Variants in TTC7B observed in about 807,000 individuals in gnomAD.
TTC7B encodes tetratricopeptide repeat domain 7B.
TTC7B carries 28 observed loss-of-function variants against 106.8 expected under a neutral mutation model. That is an observed-to-expected ratio of 0.26 (90% CI 0.19 to 0.36). The LOEUF is 0.36. Among genes scored for constraint, TTC7B ranks in the 10% least tolerant of loss-of-function variants. TTC7B has a pLI of 1.00. For missense variants in TTC7B, 862 were observed against 1,076.4 expected (o/e 0.80, Z 2.79); for synonymous variants, 405 against 430.6 (o/e 0.94, Z 0.74).
At chr14:90,620,028 T>C (rs1410594499) in intron 15 of TTC7B, among the ~76,000 whole-genome samples, 1 of 152,064 alleles carries the variant, frequency 6.6e-6, no homozygotes, top group East Asian at 1.9e-4. Context: ...TCCTAACCCA[T>C]CACTGCCCAA....
At chr14:90,686,374 T>C (rs1887252536) in intron 7 of TTC7B, among the ~76,000 whole-genome samples, 1 of 152,198 alleles carries the variant, frequency 6.6e-6, no homozygotes, top group African/African-American at 2.4e-5. Context: ...CACCATACTC[T>C]GTGAAAGACT....
intron 18 of TTC7B, among the ~76,000 whole-genome samples, chr14:90,590,324 A>G (rs188151988): frequency 1.3e-5 from 2 of 152,260 alleles, no homozygotes; most frequent in East Asian, 3.9e-4. Flanking sequence ...CTCTGCTACA[A>G]TAGATTTCTC....
Position 90,538,241 on chromosome 14 carries a change from C to CGGATGGATGGATGGATGGACGGAT in TTC7B, c.*3126_*3127insATCCGTCCATCCATCCATCCATCC, listed in dbSNP as rs1889464736. ...GCGTCCTCATCTATTAATGGATGGA[C>CGGATGGATGGATGGATGGACGGAT]GGATGGATGGATGGATGGATGGATG... On this transcript the variant is annotated 3_prime_UTR_variant, in exon 20 of 20. Transcript: ENST00000328459. The CGGATGGATGGATGGATGGACGGAT allele has an allele frequency of 3.3e-5, 5 of 149,460 alleles. No homozygotes were observed. Among genetic ancestry groups the CGGATGGATGGATGGATGGACGGAT allele is most frequent in the African/African-American group, 1.2e-4 (5 of 40,270 alleles). 9.3% of individuals were successfully genotyped at this position (149,460 alleles called of 1,614,324 possible).
intron 9 of TTC7B, among the ~76,000 whole-genome samples, chr14:90,662,175 G>A (rs1595258195): frequency 6.6e-6 from 1 of 152,260 alleles, no homozygotes; most frequent in East Asian, 1.9e-4. Context: ...AGAAGCGATA[G>A]GAATGTGGCA....
At position 90,657,162 on chromosome 14, in the gene TTC7B, G is replaced by T. The variant is rs755376580; in HGVS notation, c.1341+12C>A. The T allele has an allele frequency of 3.1e-6, 5 of 1,606,982 alleles. No individual in the cohort carries two copies. In the South Asian group the frequency reaches 5.5e-5, roughly 18 times the overall value. The stretch of plus-strand genomic sequence containing the variant: ...CCTCTGCAGGAGCGGGGAGGGGGGC[G>T]CCCCTACTCACCCAGTGCAGGGAGC... On this transcript the variant is annotated intron_variant, in intron 11 of 19. Coordinates refer to ENST00000328459, the MANE Select transcript of TTC7B (RefSeq NM_001010854.2). This position sits in a 1 kb window ranked among gnomAD's most constrained non-coding sequence, Gnocchi z 4.2.
rs58616230 is a variant in TTC7B at position 90,625,097 on chromosome 14, G to C, written c.1752-7052C>G. Among the ~76,000 whole-genome samples, 1,376 of 152,316 alleles carry C rather than the reference G, an allele frequency of 9.0e-3. 18 individuals carry two copies. Among genetic ancestry groups the C allele is most frequent in the African/African-American group, 0.031 (1,305 of 41,572 alleles). On this transcript the variant is annotated intron_variant, in intron 15 of 19. Transcript: ENST00000328459. ...AAAGTGAGCATCTGTCACCAGGTAA[G>C]AGAAATAATGGATCAGGCTGAAGGG...
At chr14:90,735,203 T>C (rs992203477) in intron 4 of TTC7B, among the ~76,000 whole-genome samples, 2 of 152,142 alleles carry the variant, frequency 1.3e-5, no homozygotes, top group African/African-American at 4.8e-5. Flanking sequence ...TATGTTAAAA[T>C]ATAATTTCAA....
At chr14:90,795,511 C>T (rs1195244904) in intron 1 of TTC7B, among the ~76,000 whole-genome samples, 2 of 152,216 alleles carry the variant, frequency 1.3e-5, no homozygotes, top group Non-Finnish European at 2.9e-5. Context: ...ACAGCTAGTG[C>T]AATGCAGGGG....
intron 5 of TTC7B, among the ~76,000 whole-genome samples, chr14:90,728,066 T>C (rs945410488): frequency 6.6e-6 from 1 of 152,174 alleles, no homozygotes; most frequent in Non-Finnish European, 1.5e-5. Context: ...ACGGTTTTTC[T>C]CCTTGGGGTA....
chr14:90,780,423 GAA>G (rs370368088), intron 3 of TTC7B, among the ~76,000 whole-genome samples: 1 of 134,962 alleles, frequency 7.4e-6, no homozygotes, highest in African/African-American at 2.9e-5. Context: ...AAGAAAGAAA[GAA>G]AGAAAGAGAG....
In TTC7B at chr14:90,764,348, T is replaced by C. The variant is rs374185379; in HGVS notation, c.445+16390A>G. 4.6e-5 allele frequency among the ~76,000 whole-genome samples: 7 copies of C among 151,998 alleles called. No individual in the cohort carries two copies. The East Asian group carries it at 1.3e-3, about 29-fold the overall frequency. ...GACACCTAAATTTAAGAGTAAAAAC[T>C]ATAAAACTCATAGAAGAAATCACAA... On this transcript the variant is annotated intron_variant, in intron 3 of 19. Coordinates refer to ENST00000328459, the MANE Select transcript of TTC7B (RefSeq NM_001010854.2).
At chr14:90,652,923 G>C (rs377130668) in intron 12 of TTC7B, 25 bp from the exon 13 acceptor site, 727 of 1,613,460 alleles carry the variant, frequency 4.5e-4, no homozygotes, top group Non-Finnish European at 4.7e-4. Flanking sequence ...CAATTAGTCA[G>C]TGGCATGGGG....
intron 3 of TTC7B, chr14:90,766,479 C>T (rs1890685934): frequency 7.6e-6 from 5 of 656,560 alleles, no homozygotes; most frequent in South Asian, 3.5e-5. Flanking sequence ...AAAAAGAAGC[C>T]AATAAGAAAT....
rs544958857 is a variant in TTC7B at position 90,649,466 on chromosome 14, TGA to T, written c.1518-2445_1518-2444del. ...GACAGAAATCCTCAGGCCAGGCAGA[TGA>T]GAGAGAGGACATTAGTGATCAGAAA... On this transcript the variant is annotated intron_variant, in intron 13 of 19. Coordinates refer to ENST00000328459, the MANE Select transcript of TTC7B (RefSeq NM_001010854.2). Among the ~76,000 whole-genome samples the T allele has an allele frequency of 2.9e-3, 449 of 152,294 alleles. 1 individual carries two copies. Among genetic ancestry groups the T allele is most frequent in the Non-Finnish European group, 5.1e-3 (346 of 68,022 alleles).
chr14:90,686,013 T>G lies in TTC7B; in HGVS notation c.950+3527A>C, dbSNP rs944716464. ...ACTCATTTTATGAGGCCAATATTAC[T>G]CTAATACCAAAACCAGACAAAGACA... is the stretch of plus-strand genomic sequence containing the variant. On this transcript the variant is annotated intron_variant, in intron 7 of 19. Coordinates refer to ENST00000328459, the MANE Select transcript of TTC7B (RefSeq NM_001010854.2). Among the ~76,000 whole-genome samples the G allele has an allele frequency of 2.0e-5, 3 of 152,110 alleles. No individual in the cohort carries two copies. The East Asian group carries it at 5.8e-4, about 29-fold the overall frequency.
chr14:90,673,459 C>T (rs1020660142), intron 9 of TTC7B, among the ~76,000 whole-genome samples: 1 of 152,108 alleles, frequency 6.6e-6, no homozygotes, highest in Non-Finnish European at 1.5e-5. Context: ...GCGGGTCTGT[C>T]GAATATTTCT....
intron 17 of TTC7B, among the ~76,000 whole-genome samples, chr14:90,598,871 G>T (rs1749733): frequency 0.13 from 19,893 of 152,224 alleles, 1,308 homozygotes; most frequent in East Asian, 0.22. Flanking sequence ...GCACAGGCTG[G>T]GCGTGGTGGC....
At chr14:90,771,923 TAA>T (rs1271804140) in intron 3 of TTC7B, among the ~76,000 whole-genome samples, 4 of 146,156 alleles carry the variant, frequency 2.7e-5, no homozygotes, top group African/African-American at 1.0e-4. Flanking sequence ...ATTTTATATA[TAA>T]ATATATATTT....
chr14:90,688,002 G>T (rs1398692661), intron 7 of TTC7B, among the ~76,000 whole-genome samples: 1 of 152,194 alleles, frequency 6.6e-6, no homozygotes, highest in Non-Finnish European at 1.5e-5. Flanking sequence ...TTGAAATCTT[G>T]ATCTTCAGAT....
Sources: gnomAD v4.1 joint callset for allele counts (sites outside exome capture counted in the v4.1 genomes callset) on GRCh38, gnomAD v4.1.1 for gene constraint, Gnocchi (gnomAD v3.1) non-coding constraint, MANE v1.5 for transcripts, NCBI Gene and HGNC (gene_info 2026-07-23, HGNC 2026-07-21) for gene names.